The following IDNK variants were observed in gnomAD, a reference collection of about 807,000 sequenced individuals.
The protein encoded by IDNK is gluconokinase.
In IDNK, 9 loss-of-function variants were observed where a neutral mutation model predicts 13.0. The observed-to-expected ratio is 0.69, with a 90% confidence interval of 0.42 to 1.21. The LOEUF (loss-of-function observed/expected upper bound fraction) is 1.21, where lower values mean the gene tolerates loss of function less well. IDNK is among the 50% of genes most tolerant of loss of function. The pLI is 0.00. For synonymous variants in IDNK, 92 were observed against 94.9 expected (o/e 0.97, Z 0.18); for missense variants, 210 against 237.8 (o/e 0.88, Z 0.77).
chr9:83,628,874 T>C lies in IDNK; in HGVS notation c.83T>C (p.Leu28Pro). Residue 28 changes from leucine to proline, a missense_variant and splice_region_variant, in exon 3 of 5, where the codon CTG becomes CCG. Transcript: ENST00000376419. ...STVGALLASELGWKFYDADDY... is the reference protein window; with the variant it reads ...STVGALLASEPGWKFYDADDY... ...CACCCTTTCACTTTGTTCTTAAAGCTGGGATGGAAATTCTATGATGCTGAT... is the reference window on the plus strand; with the variant it reads ...CACCCTTTCACTTTGTTCTTAAAGCCGGGATGGAAATTCTATGATGCTGAT... The C allele has an allele frequency of 1.2e-6, 2 of 1,613,088 alleles. No homozygotes were observed. Among genetic ancestry groups the C allele is most frequent in the South Asian group, 2.2e-5 (2 of 91,048 alleles).
chr9:83,628,297 C>T lies in IDNK; in HGVS notation c.81+86C>T, dbSNP rs1332390573. The stretch of plus-strand genomic sequence containing the variant: ...ATCTCTGCCTTTTTTCTGCTTTGTA[C>T]AGACACTTCCACATGGCTTTGAACC... On this transcript the variant is annotated intron_variant, in intron 2 of 4. Transcript: ENST00000376419. The T allele has an allele frequency of 3.0e-5, 35 of 1,167,508 alleles. No individual in the cohort carries two copies. In the Admixed American group the frequency reaches 6.9e-4, roughly 23 times the overall value. 72.3% of individuals were successfully genotyped at this position (1,167,508 alleles called of 1,614,324 possible). A position where few individuals can be genotyped will look rare whatever the true frequency, so the allele number is the denominator to read the frequency against.
At chr9:83,639,390 T>C (rs532085118) in intron 3 of IDNK, among the ~76,000 whole-genome samples, 252 of 152,042 alleles carry the variant, frequency 1.7e-3, no homozygotes, top group African/African-American at 5.9e-3. Context: ...TCAGTTCAAG[T>C]AGAAAAAAAT....
intron 2 of IDNK, 115 bp downstream of exon 2, chr9:83,628,326 C>G: frequency 3.2e-6 from 3 of 928,638 alleles, no homozygotes; most frequent in Non-Finnish European, 5.1e-6. Context: ...TTGAACCCCA[C>G]TGGAGCAATT....
At chr9:83,635,538 G>A (rs1027640717) in intron 3 of IDNK, among the ~76,000 whole-genome samples, 5 of 152,210 alleles carry the variant, frequency 3.3e-5, no homozygotes. Flanking sequence ...TACCCAGCCT[G>A]CCTGGGACAG....
chr9:83,628,926 G>A lies in IDNK; in HGVS notation c.135G>A (p.Arg45=). The change falls in exon 3 of 5, where the codon AGG becomes AGA. Residue 45 remains arginine (R), a synonymous_variant. Coordinates refer to ENST00000376419, the MANE Select transcript of IDNK (RefSeq NM_001001551.4). Reference sequence around the variant, plus strand: ...ATTATCACCCGGAGGAAAATCGAAGGAAGATGGGAAAAGGCATACCGCTCA... The same window carrying A: ...ATTATCACCCGGAGGAAAATCGAAGAAAGATGGGAAAAGGCATACCGCTCA... ...ADDYHPEENR[R]KMGKGIPLND... 1 of 1,614,078 alleles carries A rather than the reference G, an allele frequency of 6.2e-7. No individual in the cohort carries two copies. The highest frequency in any genetic ancestry group is 2.2e-5 in the East Asian group (1 of 44,876).
chr9:83,628,999 T>A, intron 3 of IDNK, 40 bp downstream of exon 3: 1 of 1,521,354 alleles, frequency 6.6e-7, no homozygotes, highest in Non-Finnish European at 9.1e-7. Context: ...ATATTCCACC[T>A]GGGTGACAGG....
chr9:83,639,418 G>T (rs1207931235), intron 3 of IDNK, among the ~76,000 whole-genome samples: 2 of 152,164 alleles, frequency 1.3e-5, no homozygotes, highest in African/African-American at 4.8e-5. Context: ...GGAAATAACA[G>T]AAATGAATGC....
At chr9:83,630,418 C>T (rs1308619994) in intron 3 of IDNK, among the ~76,000 whole-genome samples, 1 of 152,154 alleles carries the variant, frequency 6.6e-6, no homozygotes, top group African/African-American at 2.4e-5. Flanking sequence ...CTGGTTCCAC[C>T]ACCAGGCTTG....
At chr9:83,633,618 A>C (rs1587612949) in intron 3 of IDNK, among the ~76,000 whole-genome samples, 2 of 152,252 alleles carry the variant, frequency 1.3e-5, no homozygotes, top group East Asian at 3.8e-4. Flanking sequence ...GTTGGAAATA[A>C]GTACTGTTTA....
intron 1 of IDNK, among the ~76,000 whole-genome samples, chr9:83,624,706 G>GTTTT (rs60612510): frequency 2.2e-4 from 32 of 148,494 alleles, no homozygotes; most frequent in African/African-American, 7.7e-4. Context: ...AGCTTCTTTT[G>GTTTT]TTTTTTTTTT....
At chr9:83,627,972 CTAAT>C (rs1830906245) in intron 1 of IDNK, 3 of 1,284,884 alleles carry the variant, frequency 2.3e-6, no homozygotes, top group Non-Finnish European at 3.0e-6. Context: ...ATAGTGTTAA[CTAAT>C]TATTTCTTCA....
Position 83,628,204 on chromosome 9 carries a change from C to T in IDNK, c.74C>T (p.Ala25Val). Residue 25 changes from alanine (A) to valine (V), a missense_variant, in exon 2 of 5, where the codon GCA becomes GTA. Physicochemically the swap from Ala to Val is moderately conservative, Grantham distance 64. Transcript: ENST00000376419. ...SGKSTVGALL[A>V]SELGWKFYDA... ...AGATCCACCGTGGGCGCCCTGCTGGCATCTGAGGTTAGTAACCTGTCCTAA... is the reference window on the plus strand; with the variant it reads ...AGATCCACCGTGGGCGCCCTGCTGGTATCTGAGGTTAGTAACCTGTCCTAA... 6.4e-7 allele frequency: 1 copy of T among 1,550,440 alleles called. No individual in the cohort carries two copies. Among genetic ancestry groups the T allele is most frequent in the Non-Finnish European group, 8.7e-7 (1 of 1,146,840 alleles).
At chr9:83,635,098 T>C (rs556356216) in intron 3 of IDNK, among the ~76,000 whole-genome samples, 9 of 152,192 alleles carry the variant, frequency 5.9e-5, no homozygotes, top group African/African-American at 2.2e-4. Context: ...GGGGTGCACC[T>C]TGGAAAAGGC....
intron 3 of IDNK, among the ~76,000 whole-genome samples, chr9:83,636,713 GT>G (rs1208588057): frequency 2.6e-5 from 4 of 152,180 alleles, no homozygotes; most frequent in Non-Finnish European, 5.9e-5. Flanking sequence ...AGGGCAGACT[GT>G]CAACTTCTCA....
intron 3 of IDNK, among the ~76,000 whole-genome samples, chr9:83,641,293 A>C (rs551266041): frequency 6.6e-6 from 1 of 152,238 alleles, no homozygotes; most frequent in African/African-American, 2.4e-5. Context: ...TAAAATGGGG[A>C]GATTAATATG....
At chr9:83,640,161 T>C (rs547358238) in intron 3 of IDNK, among the ~76,000 whole-genome samples, 22 of 152,224 alleles carry the variant, frequency 1.4e-4, no homozygotes, top group Admixed American at 1.0e-3. Context: ...ATTAAAGAAA[T>C]TGAATCTGTA....
At chr9:83,623,706 G>A (rs1229371799) in intron 1 of IDNK, among the ~76,000 whole-genome samples, 1 of 152,234 alleles carries the variant, frequency 6.6e-6, no homozygotes, top group Non-Finnish European at 1.5e-5. Flanking sequence ...TTCAATTTTG[G>A]AAAGTGAATC....
At chr9:83,624,859 G>A (rs1174944804) in intron 1 of IDNK, among the ~76,000 whole-genome samples, 1 of 152,048 alleles carries the variant, frequency 6.6e-6, no homozygotes, top group Non-Finnish European at 1.5e-5. Flanking sequence ...GATTATAGGC[G>A]CCCACCACCA....
At chr9:83,642,897 C>G (rs1413029866) in intron 4 of IDNK, among the ~76,000 whole-genome samples, 1 of 152,198 alleles carries the variant, frequency 6.6e-6, no homozygotes, top group African/African-American at 2.4e-5. Context: ...TCCCTTCTCT[C>G]CCGCTTTCTC....
Sources: allele counts gnomAD v4.1 joint callset (sites outside exome capture counted in the v4.1 genomes callset), GRCh38; gene constraint gnomAD v4.1.1; transcripts MANE v1.5; gene names NCBI Gene and HGNC (gene_info 2026-07-23, HGNC 2026-07-21).